The following DACH1 variants were observed in gnomAD, a reference collection of about 807,000 sequenced individuals.
DACH1 encodes the protein dachshund homolog 1.
DACH1 carries 12 observed loss-of-function variants against 54.2 expected under a neutral mutation model. That is an observed-to-expected ratio of 0.22 (90% CI 0.14 to 0.36). DACH1 has a LOEUF of 0.36. Among genes scored for constraint, DACH1 ranks in the 10% least tolerant of loss-of-function variants. DACH1 has a pLI of 1.00. For missense variants in DACH1, 805 were observed against 929.8 expected, an observed-to-expected ratio of 0.87 and a Z score of 1.75; for synonymous variants, 386 against 366.2, an observed-to-expected ratio of 1.05 and a Z score of -0.62.
intron 8 of DACH1, among the ~76,000 whole-genome samples, chr13:71,477,795 G>A (rs1037749997): frequency 2.0e-5 from 3 of 152,098 alleles, no homozygotes; most frequent in Non-Finnish European, 4.4e-5. Context: ...AAATGGGATC[G>A]TCATGTTCTC....
intron 2 of DACH1, among the ~76,000 whole-genome samples, chr13:71,638,286 C>T (rs1435613108): frequency 1.3e-5 from 2 of 152,166 alleles, no homozygotes; most frequent in Non-Finnish European, 2.9e-5. Context: ...ACAGAAATTT[C>T]GTCGACAGTG....
chr13:71,635,374 A>G (rs998526864), intron 2 of DACH1, among the ~76,000 whole-genome samples: 2 of 152,144 alleles, frequency 1.3e-5, no homozygotes, highest in Non-Finnish European at 2.9e-5. Flanking sequence ...CAAATCCCTG[A>G]TGTAATTCTC....
chr13:71,538,769 A>G (rs987928065), intron 6 of DACH1, among the ~76,000 whole-genome samples: 4 of 152,078 alleles, frequency 2.6e-5, no homozygotes, highest in African/African-American at 9.7e-5. Context: ...GCTGGCACCT[A>G]TCTTACCTAC....
intron 1 of DACH1, among the ~76,000 whole-genome samples, chr13:71,741,469 G>C (rs1426133509): frequency 6.6e-6 from 1 of 151,810 alleles, no homozygotes; most frequent in African/African-American, 2.4e-5. Flanking sequence ...AAAGAGATTG[G>C]GACATTTTAT....
chr13:71,841,973 T>C (rs771003312), intron 1 of DACH1, among the ~76,000 whole-genome samples: 20 of 152,324 alleles, frequency 1.3e-4, no homozygotes, highest in Middle Eastern at 3.4e-3. Flanking sequence ...TGGTTAGGCA[T>C]TAGGCTCCCT....
At chr13:71,532,223 A>T (rs1882464256) in intron 6 of DACH1, among the ~76,000 whole-genome samples, 1 of 151,986 alleles carries the variant, frequency 6.6e-6, no homozygotes, top group Non-Finnish European at 1.5e-5. Flanking sequence ...GTTTTCAAAT[A>T]CATTGCATTA....
intron 1 of DACH1, among the ~76,000 whole-genome samples, chr13:71,818,523 G>A (rs146710739): frequency 6.6e-6 from 1 of 152,294 alleles, no homozygotes; most frequent in Non-Finnish European, 1.5e-5. Flanking sequence ...AGAAGTCACT[G>A]TAGGTTGTTA....
intron 1 of DACH1, among the ~76,000 whole-genome samples, chr13:71,706,873 T>A (rs41320653): frequency 0.11 from 16,704 of 152,234 alleles, 1,246 homozygotes; most frequent in Non-Finnish European, 0.15. Flanking sequence ...TCTGCCTCGG[T>A]ACAGTAAGAG....
chr13:71,821,986 G>T (rs967497137), intron 1 of DACH1, among the ~76,000 whole-genome samples: 8 of 151,956 alleles, frequency 5.3e-5, no homozygotes, highest in Non-Finnish European at 2.9e-5. Flanking sequence ...GCTTGAACCC[G>T]AAAGGCAGAG....
intron 4 of DACH1, among the ~76,000 whole-genome samples, chr13:71,562,924 T>C (rs1477874808): frequency 1.3e-5 from 2 of 152,078 alleles, no homozygotes; most frequent in East Asian, 1.9e-4. Flanking sequence ...GCACTTATCA[T>C]AGAGGATGCA....
At chr13:71,763,526 T>G (rs983935408) in intron 1 of DACH1, among the ~76,000 whole-genome samples, 4 of 124,054 alleles carry the variant, frequency 3.2e-5, no homozygotes, top group Admixed American at 2.7e-4. Context: ...TTATCAAAGC[T>G]CTTCCCTGAT....
chr13:71,548,423 T>C (rs1040844259), intron 6 of DACH1, among the ~76,000 whole-genome samples: 2 of 152,114 alleles, frequency 1.3e-5, no homozygotes, highest in Non-Finnish European at 2.9e-5. Flanking sequence ...TATTAAAAAA[T>C]AAGAAAGCTG....
intron 10 of DACH1, among the ~76,000 whole-genome samples, chr13:71,471,528 A>T (rs1316664867): frequency 3.9e-5 from 6 of 152,110 alleles, no homozygotes; most frequent in Non-Finnish European, 7.4e-5. Flanking sequence ...TGGGAGGCCA[A>T]GCTGGGCGGA....
chr13:71,652,079 A>T (rs1878728926), intron 2 of DACH1, among the ~76,000 whole-genome samples: 4 of 152,280 alleles, frequency 2.6e-5, no homozygotes, highest in South Asian at 4.1e-4. Flanking sequence ...TTTGTTTCAT[A>T]TGACATAGGT....
At chr13:71,613,027 A>C (rs1875450889) in intron 3 of DACH1, among the ~76,000 whole-genome samples, 1 of 152,222 alleles carries the variant, frequency 6.6e-6, no homozygotes, top group Non-Finnish European at 1.5e-5. Flanking sequence ...TGAAGCAAAC[A>C]GGCTTGCAAA....
chr13:71,821,610 G>A (rs1888190904), intron 1 of DACH1, among the ~76,000 whole-genome samples: 1 of 150,656 alleles, frequency 6.6e-6, no homozygotes, highest in African/African-American at 2.4e-5. Context: ...TTTCTTTATA[G>A]GTCTATGCAT....
chr13:71,596,242 T>G (rs1197579510), intron 3 of DACH1, among the ~76,000 whole-genome samples: 2 of 152,194 alleles, frequency 1.3e-5, no homozygotes, highest in Non-Finnish European at 2.9e-5. Context: ...TACTATTCCC[T>G]TGTTTTCAGG....
At chr13:71,865,762 G>A (rs1379920187) in intron 1 of DACH1, among the ~76,000 whole-genome samples, 160 bp downstream of exon 1, 3 of 151,976 alleles carry the variant, frequency 2.0e-5, no homozygotes, top group Non-Finnish European at 4.4e-5. Flanking sequence ...GGGGTCGGGC[G>A]CGGCTGGCGA....
At chr13:71,646,285 C>T (rs1419643973) in intron 2 of DACH1, among the ~76,000 whole-genome samples, 2 of 150,486 alleles carry the variant, frequency 1.3e-5, no homozygotes, top group Non-Finnish European at 3.0e-5. Flanking sequence ...TGCAGTGAGC[C>T]GAGACTGCGC....
Sources: allele counts gnomAD v4.1 joint callset (sites outside exome capture counted in the v4.1 genomes callset), GRCh38; gene constraint gnomAD v4.1.1; transcripts MANE v1.5; gene names NCBI Gene and HGNC (gene_info 2026-07-23, HGNC 2026-07-21).